Variants in GNG4 observed in about 807,000 individuals in gnomAD.
The protein encoded by GNG4 is G protein subunit gamma 4.
A neutral mutation model predicts 5.8 loss-of-function variants in GNG4; 4 were observed. That is an observed-to-expected ratio of 0.69 (90% CI 0.34 to 1.57). GNG4 has a LOEUF of 1.57. GNG4 is among the 40% of genes most tolerant of loss of function. The pLI is 0.06. For missense variants in GNG4, 96 were observed against 95.1 expected (o/e 1.01, Z -0.04); for synonymous variants, 29 against 32.9 (o/e 0.88, Z 0.41).
At chr1:235,643,891 G>A (rs186260224) in intron 1 of GNG4, among the ~76,000 whole-genome samples, 3 of 152,316 alleles carry the variant, frequency 2.0e-5, no homozygotes, top group Admixed American at 2.0e-4. Flanking sequence ...AGGGTCTAAC[G>A]AGAAACTTGT....
chr1:235,626,648 C>G (rs536675886), intron 1 of GNG4, among the ~76,000 whole-genome samples: 3 of 152,256 alleles, frequency 2.0e-5, no homozygotes, highest in African/African-American at 4.8e-5. Flanking sequence ...ACCATTGCTG[C>G]CAAGACAGCA....
At chr1:235,637,911 C>T (rs1657175003) in intron 1 of GNG4, among the ~76,000 whole-genome samples, 1 of 152,244 alleles carries the variant, frequency 6.6e-6, no homozygotes, top group South Asian at 2.1e-4. Flanking sequence ...CTGACCTCTG[C>T]TCTTGTGGCA....
Position 235,547,820 on chromosome 1 carries a change from GA to G in GNG4, c.*4288del, listed in dbSNP as rs1686620099. 6.6e-6 allele frequency: 1 copy of G among 152,158 alleles called. No homozygotes were observed. Among genetic ancestry groups the G allele is most frequent in the South Asian group, 2.1e-4 (1 of 4,826 alleles). The allele number at this position is 152,158 out of a possible 1,614,324, so 9.4% of individuals were successfully genotyped here. ...TAACCGGCAACCAGATCAAGAAACA[GA>G]ACACCCCAGAAGCACCACCTCATGC... On this transcript the variant is annotated 3_prime_UTR_variant, in exon 4 of 4. Coordinates refer to ENST00000391854, the MANE Select transcript of GNG4 (RefSeq NM_001098722.2).
At chr1:235,592,947 A>C (rs1423850515) in intron 2 of GNG4, among the ~76,000 whole-genome samples, 1 of 136,006 alleles carries the variant, frequency 7.4e-6, no homozygotes, top group African/African-American at 2.7e-5. Context: ...GCTCTGTAAC[A>C]TTTTTTTTTT....
At chr1:235,599,151 G>C (rs1688193178) in intron 1 of GNG4, among the ~76,000 whole-genome samples, 1 of 152,142 alleles carries the variant, frequency 6.6e-6, no homozygotes, top group South Asian at 2.1e-4. Flanking sequence ...CACTCAACAG[G>C]ACTGGCTGGG....
intron 1 of GNG4, among the ~76,000 whole-genome samples, chr1:235,618,812 C>T (rs1270968862): frequency 4.0e-5 from 6 of 151,644 alleles, no homozygotes; most frequent in Non-Finnish European, 8.8e-5. Context: ...TGTGCCACCC[C>T]ACCTGGCTAA....
chr1:235,561,059 C>G (rs1444432601), intron 3 of GNG4, among the ~76,000 whole-genome samples: 4 of 152,168 alleles, frequency 2.6e-5, no homozygotes, highest in Non-Finnish European at 2.9e-5. Flanking sequence ...CGCCAGGCTG[C>G]AGTGCAGTGG....
chr1:235,609,269 T>C (rs1308654698), intron 1 of GNG4, among the ~76,000 whole-genome samples: 1 of 152,216 alleles, frequency 6.6e-6, no homozygotes, highest in Non-Finnish European at 1.5e-5. Flanking sequence ...CATCTGCTGA[T>C]AGACATTTGG....
chr1:235,552,508 G>A (rs1686782278), intron 3 of GNG4, among the ~76,000 whole-genome samples: 1 of 152,200 alleles, frequency 6.6e-6, no homozygotes, highest in African/African-American at 2.4e-5. Context: ...AGACAGCCTT[G>A]ATATATTCTC....
chr1:235,590,411 C>A lies in GNG4; in HGVS notation c.-11+4989G>T, dbSNP rs112884401. On this transcript the variant is annotated intron_variant, in intron 2 of 3. Coordinates refer to ENST00000391854, the MANE Select transcript of GNG4 (RefSeq NM_001098722.2). The stretch of plus-strand genomic sequence containing the variant: ...CAGAGATTGCAGTGAGCCGAGATTG[C>A]GCCACTGCACTCCAGCCTGGGTGAC... 6.6e-3 allele frequency among the ~76,000 whole-genome samples: 1,004 copies of A among 151,898 alleles called. 10 individuals are homozygous for A. Among genetic ancestry groups the A allele is most frequent in the African/African-American group, 0.023 (955 of 41,370 alleles).
chr1:235,645,018 T>TGAAG (rs1657466093), intron 1 of GNG4, among the ~76,000 whole-genome samples: 1 of 152,132 alleles, frequency 6.6e-6, no homozygotes, highest in African/African-American at 2.4e-5. Context: ...GTGTGGGTGT[T>TGAAG]GAAGGGTAAC....
rs377480601 is a variant in GNG4 at position 235,627,906 on chromosome 1, C to G, written c.-123+21756G>C. Among the ~76,000 whole-genome samples, 67 of 152,088 alleles carry G rather than the reference C, an allele frequency of 4.4e-4. 1 individual carries two copies. In the South Asian group the frequency reaches 0.014, roughly 31 times the overall value. ...GTTAAAATACAGATATGGGGCCGGG[C>G]GTGGTGGCTCATGCCTATAATCTCA... is the stretch of plus-strand genomic sequence containing the variant. On this transcript the variant is annotated intron_variant, in intron 1 of 3. Transcript: ENST00000391854.
rs1657364284 is a variant in GNG4, at chr1:235,642,579, G to A, written c.-123+7083C>T. ...GGCGAGGTGGTGGCGGGTTGGCTGT[G>A]GTTTTGCAGAGGCGGGCAGGAGGGG... On this transcript the variant is annotated intron_variant, in intron 1 of 3. Transcript: ENST00000391854. The surrounding 1 kb of genome is among the most constrained non-coding windows in gnomAD (Gnocchi z 4.3). Among the ~76,000 whole-genome samples, 1 of 152,134 alleles carries A rather than the reference G, an allele frequency of 6.6e-6. No individual in the cohort carries two copies.
chr1:235,573,591 C>T (rs1386307560), intron 3 of GNG4, among the ~76,000 whole-genome samples: 2 of 152,028 alleles, frequency 1.3e-5, no homozygotes, highest in African/African-American at 4.8e-5. Context: ...TCCTGGGTAA[C>T]ACAGTGAAAC....
chr1:235,638,019 C>T (rs764239456), intron 1 of GNG4, among the ~76,000 whole-genome samples: 6 of 152,194 alleles, frequency 3.9e-5, no homozygotes, highest in Admixed American at 6.5e-5. Flanking sequence ...AAGAGCTTCC[C>T]GGACCCTGGC....
intron 3 of GNG4, among the ~76,000 whole-genome samples, chr1:235,557,426 C>A (rs1686945106): frequency 6.6e-6 from 1 of 152,184 alleles, no homozygotes; most frequent in Non-Finnish European, 1.5e-5. Context: ...CAGGAGGTGT[C>A]CTCAGCTGGG....
In GNG4 at chr1:235,557,626, C is replaced by T. The variant is rs150290914; in HGVS notation, c.100-5389G>A. The stretch of plus-strand genomic sequence containing the variant: ...TTCCCATTGATCAGTTTACCTGTCC[C>T]GGTGGTTATCAACATCCATCATGGG... On this transcript the variant is annotated intron_variant, in intron 3 of 3. Coordinates refer to ENST00000391854, the MANE Select transcript of GNG4 (RefSeq NM_001098722.2). Among the ~76,000 whole-genome samples, 494 of 152,252 alleles carry T rather than the reference C, an allele frequency of 3.2e-3. 5 individuals are homozygous for T. Among genetic ancestry groups the T allele is most frequent in the African/African-American group, 0.011 (466 of 41,552 alleles).
At chr1:235,574,070 T>C (rs1687419133) in intron 3 of GNG4, among the ~76,000 whole-genome samples, 1 of 152,218 alleles carries the variant, frequency 6.6e-6, no homozygotes, top group South Asian at 2.1e-4. Context: ...ATCCTCTTTA[T>C]ACTTGTCAGC....
chr1:235,636,742 G>A (rs866152088), intron 1 of GNG4, among the ~76,000 whole-genome samples: 2 of 152,254 alleles, frequency 1.3e-5, no homozygotes, highest in African/African-American at 4.8e-5. Flanking sequence ...GATGGCATGC[G>A]GATGCCCCAG....
Sources: gnomAD v4.1 joint callset for allele counts (sites outside exome capture counted in the v4.1 genomes callset) on GRCh38, gnomAD v4.1.1 for gene constraint, Gnocchi (gnomAD v3.1) non-coding constraint, MANE v1.5 for transcripts, NCBI Gene and HGNC (gene_info 2026-07-23, HGNC 2026-07-21) for gene names.